The following MAPK10 variants were observed in gnomAD, a reference collection of about 807,000 sequenced individuals.
MAPK10 encodes mitogen-activated protein kinase 10, also known as JNK3 alpha protein kinase.
A neutral mutation model predicts 59.3 loss-of-function variants in MAPK10; 25 were observed. That is an observed-to-expected ratio of 0.42 (90% CI 0.31 to 0.59). MAPK10 has a LOEUF of 0.59. Among genes scored for constraint, MAPK10 ranks in the 20% least tolerant of loss-of-function variants. The probability of loss-of-function intolerance (pLI) is 0.15; values close to 1 mark genes in which losing one functional copy is unlikely to be tolerated. For synonymous variants in MAPK10, 190 were observed against 200.5 expected (o/e 0.95, Z 0.44); for missense variants, 351 against 568.9 (o/e 0.62, Z 3.90).
chr4:86,406,047 G>A (rs1368581090), intron 1 of MAPK10, among the ~76,000 whole-genome samples: 1 of 152,104 alleles, frequency 6.6e-6, no homozygotes, highest in African/African-American at 2.4e-5. Context: ...AGACTATCAC[G>A]TAAGAGGACT....
intron 1 of MAPK10, among the ~76,000 whole-genome samples, chr4:86,423,145 T>C (rs144924807): frequency 5.9e-4 from 90 of 152,262 alleles, no homozygotes; most frequent in African/African-American, 2.0e-3. Flanking sequence ...GTACAACATA[T>C]ATTACCTGGA....
intron 11 of MAPK10, among the ~76,000 whole-genome samples, chr4:86,033,392 T>C (rs186397233): frequency 6.6e-6 from 1 of 152,320 alleles, no homozygotes; most frequent in Non-Finnish European, 1.5e-5. Context: ...GGCACCTCCT[T>C]CTTCTTCTAA....
intron 4 of MAPK10, among the ~76,000 whole-genome samples, chr4:86,110,822 C>A (rs185044861): frequency 6.6e-5 from 10 of 152,212 alleles, no homozygotes; most frequent in African/African-American, 2.4e-4. Flanking sequence ...TTACTTTGGG[C>A]AGTATGTCCA....
intron 1 of MAPK10, among the ~76,000 whole-genome samples, chr4:86,518,096 C>T (rs1448495397): frequency 6.6e-6 from 1 of 152,172 alleles, no homozygotes; most frequent in Non-Finnish European, 1.5e-5. Context: ...AGTCTTGGCT[C>T]ACTGCAACCT....
intron 1 of MAPK10, among the ~76,000 whole-genome samples, chr4:86,466,422 C>T (rs989293841): frequency 6.6e-6 from 1 of 152,184 alleles, no homozygotes; most frequent in Admixed American, 6.5e-5. Context: ...TATCTGGAAA[C>T]ATAGCAGTAT....
chr4:86,030,284 G>A (rs574424307), intron 12 of MAPK10, among the ~76,000 whole-genome samples: 2 of 152,004 alleles, frequency 1.3e-5, no homozygotes, highest in South Asian at 2.1e-4. Context: ...TGGACCAGTG[G>A]AATCTCTTTA....
chr4:86,074,133 C>G (rs2048677652), intron 9 of MAPK10, among the ~76,000 whole-genome samples: 1 of 113,778 alleles, frequency 8.8e-6, no homozygotes, highest in Non-Finnish European at 1.9e-5. Flanking sequence ...GAATTGATCC[C>G]TTTACCATTA....
chr4:86,359,280 CTCTCTCTCTG>C (rs1736096047), intron 1 of MAPK10, among the ~76,000 whole-genome samples: 2 of 137,140 alleles, frequency 1.5e-5, no homozygotes, highest in African/African-American at 5.8e-5. Context: ...CTCTCTCTCT[CTCTCTCTCTG>C]TGTGTGTGTG....
At chr4:86,085,262 T>TA (rs200342963) in intron 9 of MAPK10, among the ~76,000 whole-genome samples, 1,653 of 152,128 alleles carry the variant, frequency 0.011, 34 homozygotes, top group African/African-American at 0.037. Flanking sequence ...CATATCAAGC[T>TA]AAAAACTTCT....
At chr4:86,588,426 A>T (rs2149115877) in intron 1 of MAPK10, among the ~76,000 whole-genome samples, 1 of 152,282 alleles carries the variant, frequency 6.6e-6, no homozygotes, top group African/African-American at 2.4e-5. Flanking sequence ...TTAACAGAAA[A>T]ATATCTCCAT....
intron 11 of MAPK10, among the ~76,000 whole-genome samples, chr4:86,053,341 T>C (rs1420786343): frequency 6.6e-6 from 1 of 152,196 alleles, no homozygotes; most frequent in Non-Finnish European, 1.5e-5. Context: ...TGAACATGTA[T>C]ACACAGTGGT....
intron 11 of MAPK10, among the ~76,000 whole-genome samples, chr4:86,049,396 A>T (rs1398950557): frequency 6.6e-6 from 1 of 151,872 alleles, no homozygotes; most frequent in Non-Finnish European, 1.5e-5. Context: ...TAATGTATTT[A>T]ATAAATATAT....
chr4:86,140,618 G>T (rs940003481), intron 4 of MAPK10, among the ~76,000 whole-genome samples: 2 of 150,796 alleles, frequency 1.3e-5, no homozygotes, highest in African/African-American at 2.5e-5. Flanking sequence ...CACCAGCATG[G>T]CACATGTATA....
At chr4:86,556,313 C>T (rs74647166) in intron 1 of MAPK10, among the ~76,000 whole-genome samples, 3,762 of 152,232 alleles carry the variant, frequency 0.025, 74 homozygotes, top group Non-Finnish European at 0.038. Flanking sequence ...TCATATTCAT[C>T]TCTCCTCCTT....
At chr4:86,131,079 T>C (rs2060920244) in intron 4 of MAPK10, among the ~76,000 whole-genome samples, 1 of 152,080 alleles carries the variant, frequency 6.6e-6, no homozygotes, top group Non-Finnish European at 1.5e-5. Context: ...AATGAGTACA[T>C]GAGGGTAGTC....
At chr4:86,328,352 T>C (rs775084585) in intron 2 of MAPK10, among the ~76,000 whole-genome samples, 2 of 152,026 alleles carry the variant, frequency 1.3e-5, no homozygotes, top group Admixed American at 6.6e-5. Flanking sequence ...CACGAAACAA[T>C]AGATGCTGAC....
chr4:86,155,829 C>A (rs1345616866), intron 4 of MAPK10, among the ~76,000 whole-genome samples: 1 of 152,008 alleles, frequency 6.6e-6, no homozygotes, highest in Non-Finnish European at 1.5e-5. Flanking sequence ...AGCATCACTA[C>A]TTTTGTATTT....
chr4:86,181,622 GA>G (rs1478346721), intron 3 of MAPK10, among the ~76,000 whole-genome samples: 1 of 152,060 alleles, frequency 6.6e-6, no homozygotes, highest in African/African-American at 2.4e-5. Flanking sequence ...TTCTACTTAG[GA>G]AATGGTGTTT....
chr4:86,091,536 A>ATTTTTTTTTT (rs71657508), intron 9 of MAPK10: 12 of 67,456 alleles, frequency 1.8e-4, no homozygotes, highest in Admixed American at 2.2e-4. Context: ...AAATCCCTTG[A>ATTTTTTTTTT]TTTTTTTTTT....
Sources: allele counts gnomAD v4.1 joint callset (sites outside exome capture counted in the v4.1 genomes callset), GRCh38; gene constraint gnomAD v4.1.1; transcripts MANE v1.5; gene names NCBI Gene and HGNC (gene_info 2026-07-23, HGNC 2026-07-21).